BCORL1: variants seen among roughly 807,000 people sequenced by gnomAD.
The protein encoded by BCORL1 is BCL6 corepressor like 1.
In BCORL1, 7 loss-of-function variants were observed where a neutral mutation model predicts 87.6. The ratio of observed to expected loss-of-function variants is 0.08; its 90% CI spans 0.05 to 0.15. BCORL1 has a LOEUF of 0.15. Among genes scored for constraint, BCORL1 ranks in the 10% least tolerant of loss-of-function variants. The pLI, the probability that BCORL1 is intolerant of heterozygous loss-of-function variation, is 1.00. For missense variants in BCORL1, 1,215 were observed against 1,499.7 expected (o/e 0.81, Z 3.13); for synonymous variants, 591 against 634.4 (o/e 0.93, Z 1.03).
chrX:130,014,950 A>T lies in BCORL1; in HGVS notation c.2178A>T (p.Ala726=), dbSNP rs761638373. 8.3e-7 allele frequency: 1 copy of T among 1,211,541 alleles called. No individual in the cohort carries two copies. The highest frequency in any genetic ancestry group is 2.2e-5 in the Admixed American group (1 of 46,033). ...TYVGVANPVP[A]SLLLNKDPNL... The stretch of plus-strand genomic sequence containing the variant: ...TGGGAGTGGCCAACCCAGTGCCTGC[A>T]TCCCTGCTGCTGAACAAAGACCCCA... The change falls in exon 4 of 14, where the codon GCA becomes GCT. Residue 726 remains alanine (A), a synonymous_variant. Transcript: ENST00000540052.
intron 1 of BCORL1, among the ~76,000 whole-genome samples, chrX:130,000,060 T>C (rs1281085637): frequency 9.1e-6 from 1 of 110,276 alleles, no homozygotes; most frequent in Non-Finnish European, 1.9e-5. Flanking sequence ...GTTTTTGTTT[T>C]TGTTTTAGAC....
At chrX:130,006,755 A>G (rs763852648) in intron 2 of BCORL1, among the ~76,000 whole-genome samples, 9 of 109,994 alleles carry the variant, frequency 8.2e-5, no homozygotes, top group Non-Finnish European at 1.7e-4. Flanking sequence ...TATTTTTAGT[A>G]GAGACGGAGT....
At chrX:130,005,647 G>A (rs920675425) in intron 2 of BCORL1, among the ~76,000 whole-genome samples, 17 of 110,669 alleles carry the variant, frequency 1.5e-4, no homozygotes, top group Admixed American at 3.9e-4. Context: ...ACAGAGCCTC[G>A]CTTTGTCATG....
At chrX:129,988,666 A>T (rs1346056817) in intron 1 of BCORL1, among the ~76,000 whole-genome samples, 5 of 111,694 alleles carry the variant, frequency 4.5e-5, no homozygotes, top group Non-Finnish European at 9.4e-5. Flanking sequence ...GTCCGTGAGG[A>T]ATCCAGAGTA....
chrX:130,005,702 G>A (rs1281501028), intron 2 of BCORL1, among the ~76,000 whole-genome samples: 1 of 110,427 alleles, frequency 9.1e-6, no homozygotes, highest in Non-Finnish European at 1.9e-5. Context: ...TGCAACCTCC[G>A]CCTCCTGGGC....
At chrX:130,024,204 G>A (rs746251255) in intron 6 of BCORL1, among the ~76,000 whole-genome samples, 2 of 111,800 alleles carry the variant, frequency 1.8e-5, no homozygotes, top group South Asian at 7.4e-4. Flanking sequence ...GGCAGGAAAG[G>A]TACCAATCCA....
chrX:130,028,355 C>G (rs976170493), intron 7 of BCORL1, among the ~76,000 whole-genome samples: 43 of 111,006 alleles, frequency 3.9e-4, no homozygotes, highest in Non-Finnish European at 9.4e-5. Context: ...TAAAATTACC[C>G]TTATCTTAGG....
At chrX:130,041,848 C>T (rs186361266) in intron 11 of BCORL1, among the ~76,000 whole-genome samples, 18 of 111,400 alleles carry the variant, frequency 1.6e-4, no homozygotes, top group African/African-American at 5.2e-4. Flanking sequence ...AGGATGGTCT[C>T]GATCTCCTGA....
At chrX:129,993,948 G>A (rs1260402715) in intron 1 of BCORL1, among the ~76,000 whole-genome samples, 2 of 109,538 alleles carry the variant, frequency 1.8e-5, no homozygotes, top group African/African-American at 6.6e-5. Flanking sequence ...ACCATGCCCA[G>A]CTAATTTTTT....
At chrX:130,032,731 T>TTTTA (rs1429864311) in intron 8 of BCORL1, among the ~76,000 whole-genome samples, 11 of 100,947 alleles carry the variant, frequency 1.1e-4, no homozygotes, top group African/African-American at 3.9e-4. Flanking sequence ...CGAGAATCTC[T>TTTTA]TCTATTTATT....
rs925256170 is a variant in BCORL1 at position 130,013,147 on chromosome X, C to A, written c.375C>A (p.Pro125=). The A allele has an allele frequency of 7.4e-6, 9 of 1,209,666 alleles. No individual in the cohort carries two copies. The highest frequency in any genetic ancestry group is 8.9e-6 in the Non-Finnish European group (8 of 894,606). ...LSSPGDGLKL[P]ASDSAEASNS... ...GCCCAGGAGACGGGCTCAAGCTTCC[C>A]GCATCTGACAGCGCCGAGGCCAGCA... Residue 125 remains proline (P), a synonymous_variant, in exon 4 of 14, where the codon CCC becomes CCA. Transcript: ENST00000540052.
intron 7 of BCORL1, 59 bp from the exon 8 acceptor site, chrX:130,028,576 G>A (rs916009861): frequency 5.2e-5 from 54 of 1,033,684 alleles, no homozygotes; most frequent in Non-Finnish European, 6.5e-5. Flanking sequence ...AGAGGAAGGC[G>A]TTGCTTTTCT....
intron 2 of BCORL1, among the ~76,000 whole-genome samples, chrX:130,007,158 A>G (rs1928572541): frequency 8.9e-6 from 1 of 112,076 alleles, no homozygotes; most frequent in Non-Finnish European, 1.9e-5. Context: ...TACTTGTCTG[A>G]GGTCAAGGTT....
In BCORL1 at chrX:130,055,828, A is replaced by G. The variant is rs1318468625; in HGVS notation, c.5076-26A>G. The G allele has an allele frequency of 5.9e-6, 7 of 1,180,690 alleles. No individual in the cohort carries two copies. In the Admixed American group the frequency reaches 1.6e-4, roughly 27 times the overall value. On this transcript the variant is annotated intron_variant, in intron 13 of 13. Coordinates refer to ENST00000540052, the MANE Select transcript of BCORL1 (RefSeq NM_001379451.1). ...CCCACCGCTTCCTCCAGCCTCCTTC[A>G]ATAACTCCCATCCTTGCCTTTGCAG...
chrX:129,984,349 G>A (rs1480687983), intron 1 of BCORL1, among the ~76,000 whole-genome samples: 1 of 107,125 alleles, frequency 9.3e-6, no homozygotes, highest in African/African-American at 3.4e-5. Context: ...CAGGCGGGGG[G>A]GTGGAGCCCC....
intron 11 of BCORL1, among the ~76,000 whole-genome samples, chrX:130,043,784 A>ATATATATATT (rs1556131020): frequency 1.3e-4 from 2 of 15,971 alleles, no homozygotes; most frequent in Non-Finnish European, 1.7e-4. Flanking sequence ...ATATATATAT[A>ATATATATATT]TTTTTTTTTT....
Position 130,015,574 on chromosome X carries a change from A to G in BCORL1, c.2802A>G (p.Ala934=), listed in dbSNP as rs925816044. 8 of 1,212,395 alleles carry G rather than the reference A, an allele frequency of 6.6e-6. No individual in the cohort carries two copies. The highest frequency in any genetic ancestry group is 8.9e-6 in the Non-Finnish European group (8 of 895,634). Residue 934 remains alanine, a synonymous_variant, in exon 4 of 14, where the codon GCA becomes GCG. Transcript: ENST00000540052. ...LTLSPQTGTL[A]LSVQPSGGDI... ...TCAGCCCTCAGACTGGGACCCTGGC[A>G]CTGTCTGTTCAGCCTAGCGGTGGGG...
At position 130,013,351 on chromosome X, in the gene BCORL1, C is replaced by T; in HGVS notation, c.579C>T (p.Thr193=). The T allele has an allele frequency of 3.3e-6, 4 of 1,211,120 alleles. No individual in the cohort carries two copies. In the African/African-American group the frequency reaches 6.9e-5, roughly 21 times the overall value. Residue 193 remains threonine (T), a synonymous_variant, in exon 4 of 14, where the codon ACC becomes ACT. Transcript: ENST00000540052. ...VPVEGTLPLV[T]TNFSPLPAPI... ...TGGAGGGGACCCTGCCCCTGGTTAC[C>T]ACTAACTTCAGTCCTCTGCCAGCCC... is the stretch of plus-strand genomic sequence containing the variant.
chrX:130,017,356 A>G (rs1346546794), intron 4 of BCORL1, among the ~76,000 whole-genome samples: 1 of 110,938 alleles, frequency 9.0e-6, no homozygotes, highest in Non-Finnish European at 1.9e-5. Context: ...GCAGTAGAGC[A>G]TATAACGTTT....
Sources: allele counts gnomAD v4.1 joint callset (sites outside exome capture counted in the v4.1 genomes callset), GRCh38; gene constraint gnomAD v4.1.1; transcripts MANE v1.5; gene names NCBI Gene and HGNC (gene_info 2026-07-23, HGNC 2026-07-21).